The following STXBP5L variants were observed in gnomAD, a reference collection of about 807,000 sequenced individuals.
STXBP5L encodes syntaxin binding protein 5L, also known as syntaxin-binding protein 5-like.
A neutral mutation model predicts 144.5 loss-of-function variants in STXBP5L; 65 were observed. The ratio of observed to expected loss-of-function variants is 0.45; its 90% CI spans 0.37 to 0.55. The LOEUF (loss-of-function observed/expected upper bound fraction) is 0.55. Ranked by LOEUF, STXBP5L falls within the 20% of genes least tolerant of loss-of-function variation. The pLI is 0.00. For synonymous variants in STXBP5L, 505 were observed against 469.6 expected, an observed-to-expected ratio of 1.08 and a Z score of -0.97; for missense variants, 1,298 against 1,405.5, an observed-to-expected ratio of 0.92 and a Z score of 1.22.
At position 121,045,416 on chromosome 3, in the gene STXBP5L, T is replaced by C. The variant is rs942206016; in HGVS notation, c.370-19T>C. The C allele has an allele frequency of 1.9e-6, 3 of 1,591,762 alleles. No individual in the cohort carries two copies. In the South Asian group the frequency reaches 3.5e-5, roughly 19 times the overall value. The stretch of plus-strand genomic sequence containing the variant: ...AATTAAGTAAATCACACACTTACTT[T>C]ATCTTCTTTTTGTTCTAGGGTGCCT... On this transcript the variant is annotated intron_variant, in intron 4 of 26. Transcript: ENST00000471454.
At chr3:121,313,012 G>T (rs1206001373) in intron 19 of STXBP5L, among the ~76,000 whole-genome samples, 6 of 151,820 alleles carry the variant, frequency 4.0e-5, no homozygotes, top group African/African-American at 1.5e-4. Context: ...GGGCAGAGGG[G>T]CTCCTCACTT....
intron 5 of STXBP5L, among the ~76,000 whole-genome samples, chr3:121,114,001 C>A (rs1576993767): frequency 6.6e-6 from 1 of 152,000 alleles, no homozygotes; most frequent in South Asian, 2.1e-4. Flanking sequence ...AAGTACAAGA[C>A]AATATCATAT....
At chr3:121,174,407 C>T (rs1008939230) in intron 9 of STXBP5L, among the ~76,000 whole-genome samples, 1 of 151,836 alleles carries the variant, frequency 6.6e-6, no homozygotes, top group African/African-American at 2.4e-5. Context: ...CCTGTTTTTT[C>T]AGATTGTCTT....
intron 25 of STXBP5L, among the ~76,000 whole-genome samples, chr3:121,416,506 T>C (rs866617905): frequency 7.6e-6 from 1 of 132,298 alleles, no homozygotes; most frequent in Non-Finnish European, 1.6e-5. Context: ...TTTATTTATT[T>C]ATTATTTATT....
At chr3:121,043,513 A>G (rs1295682011) in intron 4 of STXBP5L, among the ~76,000 whole-genome samples, 3 of 152,138 alleles carry the variant, frequency 2.0e-5, no homozygotes, top group African/African-American at 7.2e-5. Context: ...GATCAAGACC[A>G]TCCTGGCCAA....
At chr3:121,238,924 T>G (rs762906365) in intron 12 of STXBP5L, 47 bp from the exon 13 acceptor site, 69 of 1,462,570 alleles carry the variant, frequency 4.7e-5, no homozygotes, top group Non-Finnish European at 6.0e-5. Flanking sequence ...TTATTTTCTG[T>G]TTTTTTCTTT....
intron 10 of STXBP5L, among the ~76,000 whole-genome samples, chr3:121,221,869 T>C (rs1258426091): frequency 6.6e-6 from 1 of 151,768 alleles, no homozygotes; most frequent in African/African-American, 2.4e-5. Flanking sequence ...GTATAGAAGC[T>C]TTGTTAAAAA....
At chr3:121,188,959 G>A (rs553648803) in intron 9 of STXBP5L, among the ~76,000 whole-genome samples, 1 of 152,252 alleles carries the variant, frequency 6.6e-6, no homozygotes, top group East Asian at 1.9e-4. Context: ...TTCTGGCCAG[G>A]GCAATCAGGC....
chr3:121,006,533 G>A (rs1050053536), intron 3 of STXBP5L, among the ~76,000 whole-genome samples: 1 of 152,058 alleles, frequency 6.6e-6, no homozygotes, highest in Admixed American at 6.6e-5. Context: ...TTTAATTGGG[G>A]CATTTAGCCC....
Position 121,350,982 on chromosome 3 carries a change from C to T in STXBP5L, c.2177-27734C>T, listed in dbSNP as rs540502664. The stretch of plus-strand genomic sequence containing the variant: ...CTCGTCAAAATCATTCTCTGTCCAG[C>T]TTTGTTCCATTGCTGGTGAGGAGCT... On this transcript the variant is annotated intron_variant, in intron 20 of 26. Transcript: ENST00000471454. Among the ~76,000 whole-genome samples, 53 of 152,292 alleles carry T rather than the reference C, an allele frequency of 3.5e-4. 2 individuals carry two copies. The South Asian group carries it at 0.011, about 31-fold the overall frequency.
intron 3 of STXBP5L, among the ~76,000 whole-genome samples, chr3:121,005,257 A>G (rs1477669823): frequency 1.3e-5 from 2 of 152,100 alleles, no homozygotes; most frequent in Non-Finnish European, 2.9e-5. Context: ...CAGATATTCA[A>G]CTTCTTCCTT....
At chr3:121,142,263 A>ATAT (rs1190445790) in intron 7 of STXBP5L, among the ~76,000 whole-genome samples, 1 of 152,016 alleles carries the variant, frequency 6.6e-6, no homozygotes, top group African/African-American at 2.4e-5. Context: ...ATATAAGGCA[A>ATAT]ATATTGTCAG....
intron 7 of STXBP5L, among the ~76,000 whole-genome samples, chr3:121,135,944 A>T (rs2045236100): frequency 6.6e-6 from 1 of 152,088 alleles, no homozygotes; most frequent in Non-Finnish European, 1.5e-5. Flanking sequence ...AGGCCTTAGC[A>T]TGTCCAGGTG....
At chr3:121,059,783 G>A (rs2041169934) in intron 5 of STXBP5L, among the ~76,000 whole-genome samples, 2 of 151,962 alleles carry the variant, frequency 1.3e-5, no homozygotes. Flanking sequence ...GTCTATTATT[G>A]GTGTCTAGGA....
chr3:120,992,284 A>G (rs1942975824), intron 3 of STXBP5L, among the ~76,000 whole-genome samples: 1 of 152,088 alleles, frequency 6.6e-6, no homozygotes, highest in Non-Finnish European at 1.5e-5. Flanking sequence ...AGTGTTTATT[A>G]TTTATATATG....
chr3:121,204,088 A>G (rs531190174), intron 9 of STXBP5L, among the ~76,000 whole-genome samples: 1 of 152,054 alleles, frequency 6.6e-6, no homozygotes. Context: ...AAATACAAAA[A>G]ATTAGCCGGG....
intron 14 of STXBP5L, among the ~76,000 whole-genome samples, chr3:121,241,571 G>T (rs1255238201): frequency 6.6e-6 from 1 of 152,078 alleles, no homozygotes; most frequent in Non-Finnish European, 1.5e-5. Context: ...CTGGGGCTTT[G>T]AATCATGGTG....
intron 2 of STXBP5L, among the ~76,000 whole-genome samples, chr3:120,949,879 C>G (rs1420399132): frequency 6.6e-6 from 1 of 150,738 alleles, no homozygotes; most frequent in Non-Finnish European, 1.5e-5. Context: ...TTTTCTTTAA[C>G]TGTCTTTGAT....
chr3:121,342,377 A>G (rs2044746784), intron 20 of STXBP5L, among the ~76,000 whole-genome samples: 1 of 152,090 alleles, frequency 6.6e-6, no homozygotes, highest in African/African-American at 2.4e-5. Context: ...TTTAAGTTTT[A>G]GGGTACATGT....
Sources: allele counts gnomAD v4.1 joint callset (sites outside exome capture counted in the v4.1 genomes callset), GRCh38; gene constraint gnomAD v4.1.1; transcripts MANE v1.5; gene names NCBI Gene and HGNC (gene_info 2026-07-23, HGNC 2026-07-21).